The following EPM2A variants were observed in gnomAD, a reference collection of about 807,000 sequenced individuals.
The protein encoded by EPM2A is laforin.
A neutral mutation model predicts 26.5 loss-of-function variants in EPM2A; 21 were observed. That is an observed-to-expected ratio of 0.79 (90% CI 0.56 to 1.14). EPM2A has a LOEUF of 1.14. Ranked by LOEUF, EPM2A falls within the 50% of genes most tolerant of loss-of-function variation. The pLI is 0.00. For missense variants in EPM2A, 458 were observed against 440.8 expected, an observed-to-expected ratio of 1.04 and a Z score of -0.35; for synonymous variants, 217 against 177.6, an observed-to-expected ratio of 1.22 and a Z score of -1.76.
chr6:145,600,337 C>G (rs1781401003), intron 2 of EPM2A, among the ~76,000 whole-genome samples: 1 of 152,126 alleles, frequency 6.6e-6, no homozygotes, highest in African/African-American at 2.4e-5. Flanking sequence ...TTATTTCCAA[C>G]ATTAGAAAAC....
chr6:145,710,617 C>T (rs971515185), intron 1 of EPM2A, among the ~76,000 whole-genome samples: 5 of 152,190 alleles, frequency 3.3e-5, no homozygotes, highest in Non-Finnish European at 7.3e-5. Context: ...CCTCCCATTA[C>T]TGGGTATATA....
At chr6:145,636,187 C>T (rs1776669479) in intron 2 of EPM2A, 2 of 152,000 alleles carry the variant, frequency 1.3e-5, no homozygotes, top group Admixed American at 1.3e-4. Context: ...AGACAAGAAC[C>T]CAAGGAGAAA....
intron 4 of EPM2A, among the ~76,000 whole-genome samples, chr6:145,423,175 T>C (rs987044235): frequency 4.6e-5 from 7 of 152,154 alleles, no homozygotes; most frequent in African/African-American, 1.7e-4. Flanking sequence ...TAATATTCAA[T>C]AGAGCATCAT....
At chr6:145,386,386 G>A (rs964688908) in intron 4 of EPM2A, among the ~76,000 whole-genome samples, 5 of 151,890 alleles carry the variant, frequency 3.3e-5, no homozygotes, top group African/African-American at 1.2e-4. Flanking sequence ...TATATCACCC[G>A]AGAGTTATCG....
At chr6:145,497,133 G>C (rs561169177), downstream of EPM2A, among the ~76,000 whole-genome samples, 1 of 152,312 alleles carries the variant, frequency 6.6e-6, no homozygotes, top group Admixed American at 6.5e-5. Flanking sequence ...GAAGGAAAGA[G>C]CACTCTGGCT....
chr6:145,462,301 A>G (rs1779336711), intron 4 of EPM2A, among the ~76,000 whole-genome samples: 1 of 152,130 alleles, frequency 6.6e-6, no homozygotes, highest in Non-Finnish European at 1.5e-5. Flanking sequence ...GTGTGTTTGC[A>G]TGTTGCAGGG....
chr6:145,597,305 T>G (rs1031187153), intron 2 of EPM2A, among the ~76,000 whole-genome samples: 3 of 152,100 alleles, frequency 2.0e-5, no homozygotes, highest in African/African-American at 7.3e-5. Flanking sequence ...TCTTAGAGAC[T>G]TTATGATTCT....
At chr6:145,489,923 C>T in intron 4 of EPM2A, 1 of 1,358,380 alleles carries the variant, frequency 7.4e-7, no homozygotes, top group East Asian at 2.3e-5. Flanking sequence ...ATTCGACCCA[C>T]TTCTAGATAA....
chr6:145,678,039 C>G (rs2128606300), intron 2 of EPM2A, among the ~76,000 whole-genome samples: 1 of 152,306 alleles, frequency 6.6e-6, no homozygotes, highest in African/African-American at 2.4e-5. Context: ...TACTACAAGG[C>G]TACAGTAACC....
intron 4 of EPM2A, among the ~76,000 whole-genome samples, chr6:145,406,159 C>T (rs954038657): frequency 6.6e-6 from 1 of 152,196 alleles, no homozygotes; most frequent in Non-Finnish European, 1.5e-5. Flanking sequence ...AGGCTGCTGC[C>T]ACCAAAGTCT....
At chr6:145,533,608 T>C (rs561448649) in intron 2 of EPM2A, among the ~76,000 whole-genome samples, 8 of 152,304 alleles carry the variant, frequency 5.3e-5, no homozygotes, top group African/African-American at 1.9e-4. Flanking sequence ...TCATTCTTGT[T>C]TGGGGAAAAT....
chr6:145,391,624 G>A (rs12204968), intron 4 of EPM2A, among the ~76,000 whole-genome samples: 16,537 of 151,910 alleles, frequency 0.11, 945 homozygotes, highest in South Asian at 0.17. Context: ...TTCCTCCCTC[G>A]AAGTGCCTGC....
At chr6:145,721,721 C>T (rs1775959625) in intron 1 of EPM2A, 1 of 152,250 alleles carries the variant, frequency 6.6e-6, no homozygotes, top group Admixed American at 6.5e-5. Context: ...TTCACTCTCA[C>T]ATCTCAAACA....
At chr6:145,557,870 CA>C (rs1780751422) in intron 2 of EPM2A, among the ~76,000 whole-genome samples, 2 of 152,002 alleles carry the variant, frequency 1.3e-5, no homozygotes, top group Admixed American at 6.6e-5. Flanking sequence ...ATCCTTTGAC[CA>C]ACATCTCCCC....
intron 2 of EPM2A, among the ~76,000 whole-genome samples, chr6:145,590,830 A>AAT (rs1361077192): frequency 5.9e-5 from 9 of 152,188 alleles, no homozygotes; most frequent in African/African-American, 1.9e-4. Flanking sequence ...AAATCATAAT[A>AAT]ATAACAGGCA....
At chr6:145,430,328 G>A (rs574084738) in intron 4 of EPM2A, among the ~76,000 whole-genome samples, 4 of 152,062 alleles carry the variant, frequency 2.6e-5, no homozygotes, top group South Asian at 2.1e-4. Context: ...GGCCCAGAGC[G>A]GTGGCTCACG....
At chr6:145,527,568 A>T (rs1780293166) in intron 2 of EPM2A, among the ~76,000 whole-genome samples, 1 of 151,978 alleles carries the variant, frequency 6.6e-6, no homozygotes, top group Non-Finnish European at 1.5e-5. Context: ...TGTTGGTTTA[A>T]AGTCTTTTGG....
At chr6:145,505,012 G>A (rs1446627054) in intron 2 of EPM2A, among the ~76,000 whole-genome samples, 3 of 119,798 alleles carry the variant, frequency 2.5e-5, no homozygotes, top group Non-Finnish European at 3.5e-5. Flanking sequence ...ACCAAACACC[G>A]CATATTCTCA....
chr6:145,598,044 T>A (rs1781371610), intron 2 of EPM2A, among the ~76,000 whole-genome samples: 1 of 152,216 alleles, frequency 6.6e-6, no homozygotes, highest in East Asian at 1.9e-4. Flanking sequence ...TTCACATGCA[T>A]GTGTCTTTAT....
Sources: gnomAD v4.1 joint callset for allele counts (sites outside exome capture counted in the v4.1 genomes callset) on GRCh38, gnomAD v4.1.1 for gene constraint, MANE v1.5 for transcripts, NCBI Gene and HGNC (gene_info 2026-07-23, HGNC 2026-07-21) for gene names.